The following C8orf34 variants were observed in gnomAD, a reference collection of about 807,000 sequenced individuals.
C8orf34 encodes chromosome 8 open reading frame 34.
In C8orf34, 65 loss-of-function variants were observed where a neutral mutation model predicts 68.3. The observed-to-expected ratio is 0.95, with a 90% CI of 0.78 to 1.17. The LOEUF (loss-of-function observed/expected upper bound fraction) is 1.17, where lower values mean the gene tolerates loss of function less well. Ranked by LOEUF, C8orf34 falls within the 50% of genes most tolerant of loss-of-function variation. C8orf34 has a pLI of 0.00. For synonymous variants in C8orf34, 244 were observed against 241.2 expected (o/e 1.01, Z -0.11); for missense variants, 664 against 655.4 (o/e 1.01, Z -0.14).
At chr8:68,628,028 A>ACTTT (rs1440126132) in intron 7 of C8orf34, among the ~76,000 whole-genome samples, 1 of 152,276 alleles carries the variant, frequency 6.6e-6, no homozygotes, top group East Asian at 1.9e-4. Flanking sequence ...TAGTCTAATC[A>ACTTT]CTTTCTTTCT....
chr8:68,445,763 G>A (rs1038512041), intron 2 of C8orf34, among the ~76,000 whole-genome samples: 7 of 151,918 alleles, frequency 4.6e-5, no homozygotes, highest in African/African-American at 7.3e-5. Flanking sequence ...TTAATTGATC[G>A]GAACCCCCGC....
chr8:68,659,892 C>T (rs1339058450), intron 8 of C8orf34, among the ~76,000 whole-genome samples: 1 of 152,074 alleles, frequency 6.6e-6, no homozygotes, highest in Non-Finnish European at 1.5e-5. Flanking sequence ...TATAAACCAA[C>T]CTTTGAAAAG....
chr8:68,663,570 T>G (rs1314725374), intron 8 of C8orf34, among the ~76,000 whole-genome samples: 3 of 152,176 alleles, frequency 2.0e-5, no homozygotes, highest in Admixed American at 6.5e-5. Flanking sequence ...TTGACATCAG[T>G]GCCTTGAATT....
intron 7 of C8orf34, chr8:68,535,201 T>A: frequency 1.0e-6 from 1 of 982,682 alleles, no homozygotes; most frequent in Non-Finnish European, 1.2e-6. Flanking sequence ...AAATGCTAAG[T>A]TCTTGGAAAT....
At chr8:68,330,805 A>ACACG (rs1554594059), upstream of C8orf34, 78 of 483,148 alleles carry the variant, frequency 1.6e-4, no homozygotes, top group African/African-American at 3.9e-4. Context: ...ACACACACAC[A>ACACG]CACGCACGCA....
At position 68,732,449 on chromosome 8, in the gene C8orf34, G is replaced by A. The variant is rs902940154; in HGVS notation, c.1404+11012G>A. Among the ~76,000 whole-genome samples the A allele has an allele frequency of 1.3e-5, 2 of 151,756 alleles. 1 individual carries two copies. The highest frequency in any genetic ancestry group is 2.9e-5 in the Non-Finnish European group (2 of 67,918). On this transcript the variant is annotated intron_variant, in intron 10 of 13. Coordinates refer to ENST00000518698, the MANE Select transcript of C8orf34 (RefSeq NM_052958.4). Reference sequence around the variant, plus strand: ...TTTTTAATGATTTTTTTGTGTTCCTGGCCATATTTCTTTCGGAGAGTTTAT... The same window carrying A: ...TTTTTAATGATTTTTTTGTGTTCCTAGCCATATTTCTTTCGGAGAGTTTAT...
intron 2 of C8orf34, among the ~76,000 whole-genome samples, chr8:68,442,768 G>T (rs909898104): frequency 2.0e-5 from 3 of 152,190 alleles, no homozygotes; most frequent in Admixed American, 1.3e-4. Context: ...AAGCTCTTCA[G>T]AGTTGAGCAG....
intron 1 of C8orf34, among the ~76,000 whole-genome samples, chr8:68,430,196 C>A (rs1204880489): frequency 6.6e-6 from 1 of 151,970 alleles, no homozygotes; most frequent in Non-Finnish European, 1.5e-5. Flanking sequence ...TTAAAAAAAA[C>A]CTAAATGATG....
intron 7 of C8orf34, among the ~76,000 whole-genome samples, chr8:68,623,352 A>G (rs1184856447): frequency 1.3e-5 from 2 of 152,146 alleles, no homozygotes; most frequent in Non-Finnish European, 2.9e-5. Context: ...TTTAGGCTGG[A>G]TAATTCTTAC....
chr8:68,386,470 G>C lies in C8orf34; in HGVS notation c.328-53029G>C, dbSNP rs566641346. ...GTTGTATAAAACATATATTTATTCT[G>C]TATCTGTTCAGGAGACAAAGCTAGA... On this transcript the variant is annotated intron_variant, in intron 1 of 13. Transcript: ENST00000518698. 1.6e-4 allele frequency among the ~76,000 whole-genome samples: 25 copies of C among 152,248 alleles called. No individual in the cohort carries two copies. In the South Asian group the frequency reaches 5.2e-3, roughly 32 times the overall value.
intron 1 of C8orf34, among the ~76,000 whole-genome samples, chr8:68,417,374 T>G (rs1400803288): frequency 6.6e-6 from 1 of 152,084 alleles, no homozygotes; most frequent in Non-Finnish European, 1.5e-5. Flanking sequence ...AATTAGTGCC[T>G]ACTGATAGAC....
In C8orf34 at chr8:68,683,320, A is replaced by G. The variant is rs183276869; in HGVS notation, c.1242-25674A>G. On this transcript the variant is annotated intron_variant, in intron 8 of 13. Coordinates refer to ENST00000518698, the MANE Select transcript of C8orf34 (RefSeq NM_052958.4). ...GACTATCAGTCTTGCTCACTGTTAA[A>G]GTTTTAGAAACAGAATCAATAGTCA... 2.5e-3 allele frequency among the ~76,000 whole-genome samples: 383 copies of G among 151,718 alleles called. 1 individual carries two copies. The highest frequency in any genetic ancestry group is 0.014 in the Middle Eastern group (4 of 294).
intron 1 of C8orf34, among the ~76,000 whole-genome samples, chr8:68,406,454 T>A (rs1387826393): frequency 6.6e-6 from 1 of 151,984 alleles, no homozygotes; most frequent in Non-Finnish European, 1.5e-5. Context: ...GACCGGTAGT[T>A]TCTTCTCTTT....
intron 12 of C8orf34, among the ~76,000 whole-genome samples, chr8:68,805,412 T>C (rs2129529729): frequency 6.6e-6 from 1 of 152,348 alleles, no homozygotes; most frequent in East Asian, 1.9e-4. Context: ...TTGGGGGGTG[T>C]TGTTTTATCA....
At chr8:68,528,775 CT>C (rs1276091073) in intron 6 of C8orf34, among the ~76,000 whole-genome samples, 1 of 152,214 alleles carries the variant, frequency 6.6e-6, no homozygotes, top group African/African-American at 2.4e-5. Context: ...ATCTCCAAAA[CT>C]TTTCCCCATC....
At chr8:68,395,332 T>C (rs1808650586) in intron 1 of C8orf34, among the ~76,000 whole-genome samples, 4 of 150,190 alleles carry the variant, frequency 2.7e-5, no homozygotes, top group Non-Finnish European at 5.9e-5. Flanking sequence ...GCTACACACA[T>C]GCACTCTCTC....
chr8:68,540,128 AT>A (rs1230057924), intron 7 of C8orf34, among the ~76,000 whole-genome samples: 1 of 152,068 alleles, frequency 6.6e-6, no homozygotes, highest in Non-Finnish European at 1.5e-5. Context: ...TCATAACAAT[AT>A]TAAATATTTT....
At chr8:68,495,761 T>G (rs2129632183) in intron 5 of C8orf34, among the ~76,000 whole-genome samples, 1 of 152,210 alleles carries the variant, frequency 6.6e-6, no homozygotes, top group East Asian at 1.9e-4. Context: ...CAGACCAGAG[T>G]CTACACTCTC....
At chr8:68,439,437 GTGCT>G in intron 1 of C8orf34, 58 bp from the exon 2 acceptor site, 1 of 1,507,030 alleles carries the variant, frequency 6.6e-7, no homozygotes, top group Non-Finnish European at 9.1e-7. Flanking sequence ...TGCTAAGTAA[GTGCT>G]TGCTATTACT....
Sources: allele counts gnomAD v4.1 joint callset (sites outside exome capture counted in the v4.1 genomes callset), GRCh38; gene constraint gnomAD v4.1.1; transcripts MANE v1.5; gene names NCBI Gene and HGNC (gene_info 2026-07-23, HGNC 2026-07-21).